The following RRH variants were observed in gnomAD, a reference collection of about 807,000 sequenced individuals.
RRH encodes retinal pigment epithelium-derived rhodopsin homolog.
RRH carries 36 observed loss-of-function variants against 33.1 expected under a neutral mutation model. The observed-to-expected ratio is 1.09, with a 90% CI of 0.83 to 1.44. The LOEUF is 1.44. RRH is among the 40% of genes most tolerant of loss of function. The pLI, the probability that RRH is intolerant of heterozygous loss-of-function variation, is 0.00. For missense variants in RRH, 393 were observed against 420.2 expected (o/e 0.94, Z 0.57); for synonymous variants, 124 against 140.2 (o/e 0.88, Z 0.82).
intron 1 of RRH, among the ~76,000 whole-genome samples, chr4:109,831,637 G>C (rs1733752489): frequency 6.6e-6 from 1 of 152,080 alleles, no homozygotes; most frequent in Non-Finnish European, 1.5e-5. Context: ...GAAGGAGCAG[G>C]GTGCTCCAAG....
At chr4:109,835,084 G>T (rs1203779908) in intron 2 of RRH, among the ~76,000 whole-genome samples, 3 of 152,028 alleles carry the variant, frequency 2.0e-5, no homozygotes, top group Non-Finnish European at 4.4e-5. Flanking sequence ...GTCTTTTGCT[G>T]GTTTGTGGTT....
At chr4:109,831,812 ATAC>A (rs1323699964) in intron 1 of RRH, among the ~76,000 whole-genome samples, 1 of 152,172 alleles carries the variant, frequency 6.6e-6, no homozygotes, top group East Asian at 1.9e-4. Context: ...CCAGTGGGAA[ATAC>A]TACAAGTTTT....
intron 5 of RRH, among the ~76,000 whole-genome samples, chr4:109,838,280 T>C (rs531410623): frequency 6.6e-5 from 10 of 152,350 alleles, no homozygotes; most frequent in African/African-American, 2.4e-4. Context: ...AGAGGCTCTT[T>C]CTCTGCTCTC....
intron 1 of RRH, among the ~76,000 whole-genome samples, chr4:109,831,758 A>G (rs1733755098): frequency 6.6e-6 from 1 of 152,174 alleles, no homozygotes. Flanking sequence ...TGAGGCAAAG[A>G]GCCTGGAATA....
chr4:109,833,805 G>A (rs966509247), intron 2 of RRH, among the ~76,000 whole-genome samples: 51 of 151,350 alleles, frequency 3.4e-4, no homozygotes, highest in African/African-American at 1.2e-3. Flanking sequence ...ATATTAATTT[G>A]CCTTAAGACA....
At chr4:109,838,307 C>T (rs1240869632) in intron 5 of RRH, among the ~76,000 whole-genome samples, 3 of 152,178 alleles carry the variant, frequency 2.0e-5, no homozygotes, top group Admixed American at 1.3e-4. Context: ...TTTAAACACA[C>T]CACAGATGTG....
At chr4:109,834,292 T>C (rs755867498) in intron 2 of RRH, among the ~76,000 whole-genome samples, 1 of 151,826 alleles carries the variant, frequency 6.6e-6, no homozygotes, top group Non-Finnish European at 1.5e-5. Flanking sequence ...ATTTTACTCT[T>C]ATTGGACCTT....
chr4:109,843,035 A>T (rs1305741743), intron 6 of RRH, among the ~76,000 whole-genome samples: 5 of 152,252 alleles, frequency 3.3e-5, no homozygotes, highest in Non-Finnish European at 5.9e-5. Flanking sequence ...TATAACTGGA[A>T]AATGGACAAG....
chr4:109,833,125 G>T lies in RRH; in HGVS notation c.107-14G>T, dbSNP rs936581499. 4 of 1,601,868 alleles carry T rather than the reference G, an allele frequency of 2.5e-6. No individual in the cohort carries two copies. The highest frequency in any genetic ancestry group is 1.1e-5 in the South Asian group (1 of 90,772). On this transcript the variant is annotated splice_polypyrimidine_tract_variant and intron_variant, in intron 1 of 6. Transcript: ENST00000317735. ...ATTAAACAAAATGCATCATATTTTTGTGTGTGTTCTCAGGTATGATAAGTA... is the reference window on the plus strand; with the variant it reads ...ATTAAACAAAATGCATCATATTTTTTTGTGTGTTCTCAGGTATGATAAGTA...
chr4:109,836,252 A>G, intron 4 of RRH, 92 bp downstream of exon 4: 1 of 1,385,650 alleles, frequency 7.2e-7, no homozygotes, highest in African/African-American at 1.4e-5. Flanking sequence ...TGTGTTCCTC[A>G]TACAGAAGGT....
chr4:109,842,201 G>T (rs1733997566), intron 5 of RRH, among the ~76,000 whole-genome samples: 1 of 151,894 alleles, frequency 6.6e-6, no homozygotes, highest in Non-Finnish European at 1.5e-5. Flanking sequence ...AAAGAAAGAG[G>T]GCATTCCTTA....
At chr4:109,842,332 C>A in intron 5 of RRH, 137 bp from the exon 6 acceptor site, 15 of 715,596 alleles carry the variant, frequency 2.1e-5, no homozygotes, top group East Asian at 3.6e-5. Flanking sequence ...AGAAAAAAAA[C>A]TCAACTATTT....
At chr4:109,834,729 C>T (rs1228376955) in intron 2 of RRH, among the ~76,000 whole-genome samples, 1 of 151,932 alleles carries the variant, frequency 6.6e-6, no homozygotes, top group Non-Finnish European at 1.5e-5. Context: ...TCTTTAGCCA[C>T]ATTGCTTAGG....
rs1734033237 is a variant in RRH at position 109,844,083 on chromosome 4, G to T, written c.900G>T (p.Lys300Asn). 6.2e-7 allele frequency: 1 copy of T among 1,607,664 alleles called. No homozygotes were observed. The highest frequency in any genetic ancestry group is 1.7e-5 in the Admixed American group (1 of 59,996). Residue 300 changes from lysine to asparagine, a missense_variant and splice_region_variant, in exon 7 of 7, where the codon AAG becomes AAT. Transcript: ENST00000317735. The part of the protein sequence containing the change: ...NPCIYVVANK[K>N]FRRAMLAMFK... ...CCAGATTTTCCTTTTTTTATCGTAG[G>T]TTTCGGAGGGCAATGCTTGCCATGT...
Position 109,836,095 on chromosome 4 carries a change from G to A in RRH, c.486G>A (p.Gly162=), listed in dbSNP as rs895963745. ...GLFWALMPII[G]WASYAPDPTG... is the part of the protein sequence containing the mutation. ...TTTGGGCTTTGATGCCTATCATAGG[G>A]TGGGCTAGTTATGCCCCAGATCCTA... Residue 162 remains glycine (G), a synonymous_variant, in exon 4 of 7, where the codon GGG becomes GGA. Coordinates refer to ENST00000317735, the MANE Select transcript of RRH (RefSeq NM_006583.5). The A allele has an allele frequency of 6.2e-7, 1 of 1,614,130 alleles. No homozygotes were observed. Among genetic ancestry groups the A allele is most frequent in the East Asian group, 2.2e-5 (1 of 44,872 alleles).
At chr4:109,842,978 C>G (rs1734012351) in intron 6 of RRH, among the ~76,000 whole-genome samples, 1 of 152,150 alleles carries the variant, frequency 6.6e-6, no homozygotes, top group South Asian at 2.1e-4. Context: ...ATGGTTACCC[C>G]CACCCCAAAT....
In RRH at chr4:109,844,290, G is replaced by A; in HGVS notation, c.*93G>A. On this transcript the variant is annotated 3_prime_UTR_variant, in exon 7 of 7. Coordinates refer to ENST00000317735, the MANE Select transcript of RRH (RefSeq NM_006583.5). ...GCCCATTTAGATCAAGTGCAGACATGGATCATTGTCCTATGAGAGTGTAAG... is the reference window on the plus strand; with the variant it reads ...GCCCATTTAGATCAAGTGCAGACATAGATCATTGTCCTATGAGAGTGTAAG... 1.2e-6 allele frequency: 1 copy of A among 800,912 alleles called. No individual in the cohort carries two copies. Among genetic ancestry groups the A allele is most frequent in the East Asian group, 2.7e-5 (1 of 37,410 alleles). 49.6% of individuals were successfully genotyped at this position (800,912 alleles called of 1,614,324 possible). A position where few individuals can be genotyped will look rare whatever the true frequency, so the allele number is the denominator to read the frequency against.
At chr4:109,830,142 C>A (rs1733718855) in intron 1 of RRH, among the ~76,000 whole-genome samples, 1 of 152,130 alleles carries the variant, frequency 6.6e-6, no homozygotes, top group South Asian at 2.1e-4. Flanking sequence ...TGTCCTTGAG[C>A]ACTCTCCCTT....
intron 1 of RRH, among the ~76,000 whole-genome samples, chr4:109,831,990 G>A (rs1045383831): frequency 6.6e-6 from 1 of 151,882 alleles, no homozygotes; most frequent in Non-Finnish European, 1.5e-5. Flanking sequence ...AGCTGATGTT[G>A]TATGTTGGTG....
Sources: allele counts gnomAD v4.1 joint callset (sites outside exome capture counted in the v4.1 genomes callset), GRCh38; gene constraint gnomAD v4.1.1; transcripts MANE v1.5; gene names NCBI Gene and HGNC (gene_info 2026-07-23, HGNC 2026-07-21).